PTPRD: variants seen among roughly 807,000 people sequenced by gnomAD.
PTPRD encodes receptor-type tyrosine-protein phosphatase delta.
PTPRD carries 34 observed loss-of-function variants against 214.5 expected under a neutral mutation model. The observed-to-expected ratio is 0.16, with a 90% CI of 0.12 to 0.21. The LOEUF (loss-of-function observed/expected upper bound fraction) is 0.21, where lower values mean the gene tolerates loss of function less well. Ranked by LOEUF, PTPRD falls within the 10% of genes least tolerant of loss-of-function variation. PTPRD has a pLI of 1.00. For missense variants in PTPRD, 2,545 were observed against 2,398.7 expected (o/e 1.06, Z -1.27); for synonymous variants, 1,128 against 845.7 (o/e 1.33, Z -5.79).
In PTPRD at chr9:9,613,298, A is replaced by G. The variant is rs192903377; in HGVS notation, c.-286-38517T>C. Among the ~76,000 whole-genome samples, 41 of 152,040 alleles carry G rather than the reference A, an allele frequency of 2.7e-4. No homozygotes were observed. In the East Asian group the frequency reaches 6.6e-3, roughly 24 times the overall value. ...AATGAACATAATTAATGATAAATCT[A>G]AAAAACGTCATTCAATCAGTTATTA... On this transcript the variant is annotated intron_variant, in intron 7 of 45. Coordinates refer to ENST00000381196, the MANE Select transcript of PTPRD (RefSeq NM_002839.4).
chr9:10,381,785 T>C (rs2097830475), intron 2 of PTPRD, among the ~76,000 whole-genome samples: 1 of 151,964 alleles, frequency 6.6e-6, no homozygotes, highest in African/African-American at 2.4e-5. Flanking sequence ...AGGAAAATAA[T>C]ATTATGTCAT....
At chr9:9,841,466 A>G (rs1438848417) in intron 5 of PTPRD, among the ~76,000 whole-genome samples, 1 of 152,190 alleles carries the variant, frequency 6.6e-6, no homozygotes, top group Non-Finnish European at 1.5e-5. Flanking sequence ...ATCCATGAAG[A>G]AAATGTATGC....
At chr9:10,154,936 T>G (rs1249855743) in intron 3 of PTPRD, among the ~76,000 whole-genome samples, 1 of 152,156 alleles carries the variant, frequency 6.6e-6, no homozygotes, top group Admixed American at 6.6e-5. Flanking sequence ...TCAGCCTCTT[T>G]TTTGGTCCCA....
At chr9:10,102,106 A>G (rs1411756176) in intron 3 of PTPRD, among the ~76,000 whole-genome samples, 2 of 151,750 alleles carry the variant, frequency 1.3e-5, no homozygotes, top group Non-Finnish European at 2.9e-5. Flanking sequence ...AATGCATATA[A>G]TAACATATTT....
chr9:9,187,811 GTGTGTGTTTGTGTATGTA>G (rs1345085972), intron 9 of PTPRD, among the ~76,000 whole-genome samples: 1 of 151,714 alleles, frequency 6.6e-6, no homozygotes, highest in African/African-American at 2.4e-5. Flanking sequence ...GTTATGTTGT[GTGTGTGTTTGTGTATGTA>G]TGTGTGTTTC....
intron 3 of PTPRD, among the ~76,000 whole-genome samples, chr9:10,238,305 C>T (rs1201753033): frequency 6.6e-6 from 1 of 151,852 alleles, no homozygotes; most frequent in Non-Finnish European, 1.5e-5. Flanking sequence ...CTGAGACAAC[C>T]TACTAGGACT....
chr9:10,429,524 A>G (rs933788865), intron 2 of PTPRD, among the ~76,000 whole-genome samples: 14 of 152,018 alleles, frequency 9.2e-5, no homozygotes, highest in Non-Finnish European at 1.8e-4. Context: ...TGTCATTTTC[A>G]GCAACATGGA....
At chr9:9,063,851 G>GTGATTT (rs985271982) in intron 10 of PTPRD, among the ~76,000 whole-genome samples, 2 of 152,160 alleles carry the variant, frequency 1.3e-5, no homozygotes, top group Admixed American at 6.5e-5. Flanking sequence ...ACTTTTGCCA[G>GTGATTT]GTCATTAGAT....
chr9:8,385,990 A>C (rs1328024914), intron 37 of PTPRD, among the ~76,000 whole-genome samples: 1 of 152,188 alleles, frequency 6.6e-6, no homozygotes, highest in East Asian at 1.9e-4. Context: ...ACACAGAGTG[A>C]ATTATTTGGA....
intron 8 of PTPRD, among the ~76,000 whole-genome samples, chr9:9,436,226 G>C (rs1410679151): frequency 1.3e-5 from 2 of 152,100 alleles, no homozygotes; most frequent in Non-Finnish European, 2.9e-5. Context: ...TGCATGATAA[G>C]CTTCTAGTTG....
rs1565557186 is a variant in PTPRD at position 10,364,003 on chromosome 9, T to TTTTTTTTG, written c.-599-22987_-599-22986insCAAAAAAA. Among the ~76,000 whole-genome samples the TTTTTTTTG allele has an allele frequency of 9.9e-4, 81 of 81,780 alleles. 6 individuals carry two copies. Among genetic ancestry groups the TTTTTTTTG allele is most frequent in the African/African-American group, 2.6e-3 (77 of 29,444 alleles). 53.7% of individuals were successfully genotyped at this position (81,780 alleles called of 152,430 possible). ...TCCACATTTTCGGGTTTTTTTTTTT[T>TTTTTTTTG]TTTTTTTTTTTTTTGAGATGGAGTC... On this transcript the variant is annotated intron_variant, in intron 2 of 45. Coordinates refer to ENST00000381196, the MANE Select transcript of PTPRD (RefSeq NM_002839.4).
chr9:8,582,256 C>A (rs1484149389), intron 14 of PTPRD, among the ~76,000 whole-genome samples: 3 of 152,028 alleles, frequency 2.0e-5, no homozygotes, highest in African/African-American at 7.2e-5. Context: ...CGCCACTTTA[C>A]AACAAACAGA....
At chr9:8,527,496 A>T in intron 15 of PTPRD, 143 bp from the exon 16 acceptor site, 1 of 758,822 alleles carries the variant, frequency 1.3e-6, no homozygotes, top group South Asian at 2.0e-5. Context: ...TTCATTTACA[A>T]TAACAGAATG....
intron 9 of PTPRD, among the ~76,000 whole-genome samples, chr9:9,382,136 T>C (rs1318354419): frequency 6.7e-6 from 1 of 149,378 alleles, no homozygotes; most frequent in Non-Finnish European, 1.5e-5. Context: ...CTCTTTTTTG[T>C]GCTATTGTAA....
At chr9:8,746,536 C>A (rs2092830029) in intron 11 of PTPRD, among the ~76,000 whole-genome samples, 1 of 152,264 alleles carries the variant, frequency 6.6e-6, no homozygotes, top group South Asian at 2.1e-4. Flanking sequence ...ACAAAATACA[C>A]AATATGGATA....
At chr9:10,215,022 G>T (rs1434577047) in intron 3 of PTPRD, among the ~76,000 whole-genome samples, 1 of 152,086 alleles carries the variant, frequency 6.6e-6, no homozygotes, top group Non-Finnish European at 1.5e-5. Context: ...ATTGGACAAT[G>T]AAGTAGAAGC....
At chr9:10,015,799 T>A (rs747459475) in intron 4 of PTPRD, among the ~76,000 whole-genome samples, 1 of 152,200 alleles carries the variant, frequency 6.6e-6, no homozygotes, top group Non-Finnish European at 1.5e-5. Flanking sequence ...ATTTCTCCTC[T>A]GGTAGGATCT....
At chr9:8,509,413 AT>A (rs937380637) in intron 21 of PTPRD, among the ~76,000 whole-genome samples, 1 of 152,004 alleles carries the variant, frequency 6.6e-6, no homozygotes, top group Non-Finnish European at 1.5e-5. Flanking sequence ...GCAGTCACTG[AT>A]TTTTTTCCTA....
intron 11 of PTPRD, among the ~76,000 whole-genome samples, chr9:8,737,944 C>CTCT (rs1555243344): frequency 1.3e-5 from 2 of 151,406 alleles, no homozygotes; most frequent in East Asian, 1.9e-4. Context: ...CCACTGCACC[C>CTCT]GGCTCTCTGT....
Sources: gnomAD v4.1 joint callset for allele counts (sites outside exome capture counted in the v4.1 genomes callset) on GRCh38, gnomAD v4.1.1 for gene constraint, MANE v1.5 for transcripts, NCBI Gene and HGNC (gene_info 2026-07-23, HGNC 2026-07-21) for gene names.